The following HACL1 variants were observed in gnomAD, a reference collection of about 807,000 sequenced individuals.
The protein encoded by HACL1 is 2-hydroxyacyl-CoA lyase 1, also known as 1600020H07Rik.
A neutral mutation model predicts 74.2 loss-of-function variants in HACL1; 64 were observed. The ratio of observed to expected loss-of-function variants is 0.86; its 90% CI spans 0.70 to 1.06. HACL1 has a LOEUF of 1.06. Among genes scored for constraint, HACL1 ranks in the 50% least tolerant of loss-of-function variants. The probability of loss-of-function intolerance (pLI) is 0.00; values close to 1 mark genes in which losing one functional copy is unlikely to be tolerated. For missense variants in HACL1, 728 were observed against 719.7 expected (o/e 1.01, Z -0.13); for synonymous variants, 230 against 238.8 (o/e 0.96, Z 0.34).
intron 10 of HACL1, 35 bp downstream of exon 10, chr3:15,574,942 A>T: frequency 2.2e-6 from 2 of 917,644 alleles, no homozygotes; most frequent in Non-Finnish European, 3.6e-6. Flanking sequence ...ATGAACATAG[A>T]CATTTCTGAT....
chr3:15,587,286 TTTCTC>T (rs928715444), intron 5 of HACL1, among the ~76,000 whole-genome samples: 3 of 145,970 alleles, frequency 2.1e-5, no homozygotes, highest in African/African-American at 7.7e-5. Context: ...ACTTGGATTC[TTTCTC>T]TTCTGTTTTT....
In HACL1 at chr3:15,588,331, C is replaced by T. The variant is rs764713128; in HGVS notation, c.381+1209G>A. 6.7e-4 allele frequency among the ~76,000 whole-genome samples: 102 copies of T among 152,238 alleles called. 1 individual carries two copies. Among genetic ancestry groups the T allele is most frequent in the Non-Finnish European group, 1.1e-3 (73 of 68,022 alleles). Reference sequence around the variant, plus strand: ...TATCTTGGATGGGTGTGGTGGCTCACGCCTGTAATCCCAGTACTTTGGGAG... The same window carrying T: ...TATCTTGGATGGGTGTGGTGGCTCATGCCTGTAATCCCAGTACTTTGGGAG... On this transcript the variant is annotated intron_variant, in intron 5 of 16. Coordinates refer to ENST00000321169, the MANE Select transcript of HACL1 (RefSeq NM_012260.4).
intron 7 of HACL1, 152 bp downstream of exon 7, chr3:15,585,096 C>T: frequency 2.1e-6 from 1 of 476,032 alleles, no homozygotes; most frequent in Non-Finnish European, 3.8e-6. Flanking sequence ...GAAAATTAAC[C>T]CTTTGGCTAG....
intron 12 of HACL1, among the ~76,000 whole-genome samples, chr3:15,570,942 T>C (rs2063517668): frequency 6.6e-6 from 1 of 151,702 alleles, no homozygotes. Context: ...CAACCCAAGA[T>C]TTAAGGATTC....
intron 2 of HACL1, among the ~76,000 whole-genome samples, chr3:15,599,974 T>C (rs1397800392): frequency 1.3e-5 from 2 of 152,162 alleles, no homozygotes; most frequent in African/African-American, 4.8e-5. Context: ...AAGAACAGAA[T>C]GTTGTTCTAA....
At chr3:15,597,275 T>C (rs528266164) in intron 2 of HACL1, among the ~76,000 whole-genome samples, 2 of 152,350 alleles carry the variant, frequency 1.3e-5, no homozygotes, top group Admixed American at 6.5e-5. Flanking sequence ...TGATCTCTTA[T>C]TGAGTTCCAC....
chr3:15,592,077 T>TATACGTATATAC, intron 3 of HACL1, among the ~76,000 whole-genome samples: 1 of 133,760 alleles, frequency 7.5e-6, no homozygotes, highest in African/African-American at 3.0e-5. Flanking sequence ...TATATACGTA[T>TATACGTATATAC]ACGTATATAT....
intron 6 of HACL1, among the ~76,000 whole-genome samples, chr3:15,585,697 T>C (rs1441971272): frequency 1.3e-5 from 2 of 152,222 alleles, no homozygotes; most frequent in East Asian, 1.9e-4. Context: ...TTTCAGAAAC[T>C]GTGATGCTGT....
rs981144058 is a variant in HACL1 at position 15,568,482 on chromosome 3, A to G, written c.1200T>C (p.Asn400=). ...GCACAGTCCGTCCAATGTCCATAGT[A>G]TTTGCTCCTTCACTTACCACGAAAC... ...RDCFVVSEGA[N]TMDIGRTVLQ... Residue 400 remains asparagine (N), a synonymous_variant, in exon 13 of 17, where the codon AAT becomes AAC. Transcript: ENST00000321169. The G allele has an allele frequency of 6.2e-7, 1 of 1,606,762 alleles. No homozygotes were observed.
At chr3:15,572,231 C>T (rs988883436) in intron 11 of HACL1, among the ~76,000 whole-genome samples, 3 of 152,162 alleles carry the variant, frequency 2.0e-5, no homozygotes, top group African/African-American at 7.2e-5. Context: ...ATTACTCAGA[C>T]TCTTTTTTTC....
chr3:15,585,403 C>T, intron 6 of HACL1, 61 bp from the exon 7 acceptor site: 1 of 899,600 alleles, frequency 1.1e-6, no homozygotes, highest in Admixed American at 2.1e-5. Context: ...ATATTCTACT[C>T]AAAGATAATT....
intron 12 of HACL1, among the ~76,000 whole-genome samples, chr3:15,571,419 C>T (rs147532927): frequency 1.4e-3 from 219 of 152,240 alleles, no homozygotes; most frequent in African/African-American, 5.1e-3. Flanking sequence ...AGGTAAAATG[C>T]TATATTCATT....
intron 2 of HACL1, among the ~76,000 whole-genome samples, chr3:15,598,150 G>A (rs1025094325): frequency 7.9e-5 from 12 of 151,678 alleles, no homozygotes; most frequent in African/African-American, 1.2e-4. Flanking sequence ...TCAGCTTCCC[G>A]AGCAGCTGGC....
intron 5 of HACL1, among the ~76,000 whole-genome samples, chr3:15,589,165 A>G (rs1171356227): frequency 6.6e-6 from 1 of 152,064 alleles, no homozygotes; most frequent in South Asian, 2.1e-4. Flanking sequence ...TCTTCTCTCT[A>G]CCTCTTAATG....
chr3:15,600,917 C>T, intron 2 of HACL1, 173 bp downstream of exon 2: 1 of 624,284 alleles, frequency 1.6e-6, no homozygotes. Flanking sequence ...TAACCTGTGT[C>T]TTTTCTCATC....
In HACL1 at chr3:15,568,380, T is replaced by C. The variant is rs2063470159; in HGVS notation, c.1250+52A>G. 3 of 1,108,132 alleles carry C rather than the reference T, an allele frequency of 2.7e-6. No homozygotes were observed. In the South Asian group the frequency reaches 4.5e-5, roughly 16 times the overall value. The allele number at this position is 1,108,132 out of a possible 1,614,324, so 68.6% of individuals were successfully genotyped here. A position where few individuals can be genotyped will look rare whatever the true frequency, so the allele number is the denominator to read the frequency against. ...CTTAATCTGCACTATTACAGTTTCA[T>C]ATTAAACACATTATAATGAATTACG... On this transcript the variant is annotated intron_variant, in intron 13 of 16. Transcript: ENST00000321169.
intron 3 of HACL1, among the ~76,000 whole-genome samples, chr3:15,593,666 T>A (rs911620199): frequency 6.6e-6 from 1 of 152,212 alleles, no homozygotes; most frequent in Non-Finnish European, 1.5e-5. Flanking sequence ...GACTGCTGAG[T>A]TCATTTTTGT....
intron 5 of HACL1, among the ~76,000 whole-genome samples, 183 bp from the exon 6 acceptor site, chr3:15,586,785 G>A (rs1163370089): frequency 6.6e-6 from 1 of 152,090 alleles, no homozygotes; most frequent in African/African-American, 2.4e-5. Context: ...TATGATTCAG[G>A]AAGCGTATCA....
intron 15 of HACL1, among the ~76,000 whole-genome samples, chr3:15,564,261 C>T (rs1310194706): frequency 2.6e-5 from 4 of 152,228 alleles, no homozygotes. Flanking sequence ...CCTACTATTG[C>T]TCCCAGTCCA....
Sources: allele counts gnomAD v4.1 joint callset (sites outside exome capture counted in the v4.1 genomes callset), GRCh38; gene constraint gnomAD v4.1.1; transcripts MANE v1.5; gene names NCBI Gene and HGNC (gene_info 2026-07-23, HGNC 2026-07-21).